PDZD2: variants seen among roughly 807,000 people sequenced by gnomAD.
PDZD2 encodes the protein PDZ domain-containing protein 2.
Under a neutral mutation model 220.7 loss-of-function variants are expected in PDZD2, and 90 were observed. The observed-to-expected ratio is 0.41, with a 90% CI of 0.34 to 0.49. PDZD2 has a LOEUF of 0.49. Among genes scored for constraint, PDZD2 ranks in the 20% least tolerant of loss-of-function variants. PDZD2 has a pLI of 0.28. For missense variants in PDZD2, 3,174 were observed against 3,608.5 expected (o/e 0.88, Z 3.08); for synonymous variants, 1,375 against 1,450.5 (o/e 0.95, Z 1.18).
rs147353592 is a variant in PDZD2, at chr5:32,090,151, C to A, written c.6703C>A (p.Arg2235=). Residue 2235 remains arginine (R), a synonymous_variant, in exon 20 of 25, where the codon CGG becomes AGG. Transcript: ENST00000438447. This position sits in a 1 kb window ranked among gnomAD's most constrained non-coding sequence, Gnocchi z 4.3. ...MPAQFSSHFG[R]EGHPPHSLGR... ...AGCCCAGTTCTCAAGCCATTTTGGA[C>A]GGGAGGGTCACCCCCCACACAGCCT... 1 of 1,613,914 alleles carries A rather than the reference C, an allele frequency of 6.2e-7. No homozygotes were observed. The highest frequency in any genetic ancestry group is 1.3e-5 in the African/African-American group (1 of 75,048).
At chr5:31,915,127 CTG>C (rs1194525477) in intron 2 of PDZD2, among the ~76,000 whole-genome samples, 1 of 152,170 alleles carries the variant, frequency 6.6e-6, no homozygotes, top group East Asian at 1.9e-4. Context: ...GTTTCCAGAA[CTG>C]TGCAATGCTG....
intron 2 of PDZD2, among the ~76,000 whole-genome samples, chr5:31,938,303 G>T (rs146402191): frequency 8.4e-4 from 128 of 152,324 alleles, no homozygotes; most frequent in African/African-American, 3.0e-3. Flanking sequence ...CAATTTGAAT[G>T]GGCTCTTGTT....
At chr5:31,860,079 G>T (rs957542210) in intron 2 of PDZD2, among the ~76,000 whole-genome samples, 2 of 152,158 alleles carry the variant, frequency 1.3e-5, no homozygotes, top group African/African-American at 4.8e-5. Context: ...ACACTGAGGG[G>T]AGTTGGTTGG....
chr5:31,867,524 A>G (rs551520917), intron 2 of PDZD2, among the ~76,000 whole-genome samples: 76 of 152,270 alleles, frequency 5.0e-4, no homozygotes, highest in African/African-American at 1.7e-3. Context: ...TTGCTGCTAC[A>G]CGGAGATCGG....
rs144674575 is a variant in PDZD2 at position 31,703,522 on chromosome 5, C to T, written c.-361+64085C>T. Among the ~76,000 whole-genome samples, 668 of 152,218 alleles carry T rather than the reference C, an allele frequency of 4.4e-3. 5 individuals carry two copies. The highest frequency in any genetic ancestry group is 0.015 in the African/African-American group (615 of 41,524). On this transcript the variant is annotated intron_variant, in intron 1 of 24. Coordinates refer to ENST00000438447, the MANE Select transcript of PDZD2 (RefSeq NM_178140.4). ...GGAGAGCATTAGGACAAATACCTAACGCATGCGGGGCTTAAACCTAGATGA... is the reference window on the plus strand; with the variant it reads ...GGAGAGCATTAGGACAAATACCTAATGCATGCGGGGCTTAAACCTAGATGA...
chr5:32,084,446 A>G (rs1415927651), intron 19 of PDZD2, among the ~76,000 whole-genome samples: 1 of 152,204 alleles, frequency 6.6e-6, no homozygotes, highest in Non-Finnish European at 1.5e-5. Context: ...AGGAAAATTA[A>G]ATGTGTACAA....
intron 1 of PDZD2, among the ~76,000 whole-genome samples, chr5:31,756,463 G>A (rs1360576002): frequency 1.3e-5 from 2 of 152,168 alleles, no homozygotes; most frequent in Non-Finnish European, 2.9e-5. Context: ...AGACCTCCTA[G>A]CAGCACTCAT....
intron 2 of PDZD2, among the ~76,000 whole-genome samples, chr5:31,966,445 T>G (rs1282720292): frequency 6.6e-6 from 1 of 152,248 alleles, no homozygotes; most frequent in African/African-American, 2.4e-5. Flanking sequence ...CTTACCATTA[T>G]TTTTAAATTA....
At chr5:32,091,525 C>A (rs575928616) in intron 20 of PDZD2, among the ~76,000 whole-genome samples, 126 of 152,126 alleles carry the variant, frequency 8.3e-4, no homozygotes, top group African/African-American at 2.8e-3. Context: ...CCTTGTGATC[C>A]GCCTGCCTCG....
chr5:31,869,500 G>C lies in PDZD2; in HGVS notation c.476+69776G>C, dbSNP rs183309169. The stretch of plus-strand genomic sequence containing the variant: ...ATGGCCGTGAACCTGGGAGGCGGAG[G>C]TTGCAGTGAGCCAAGATCACGCCAC... On this transcript the variant is annotated intron_variant, in intron 2 of 24. Transcript: ENST00000438447. Among the ~76,000 whole-genome samples the C allele has an allele frequency of 6.8e-3, 1,038 of 152,136 alleles. 34 individuals are homozygous for C. The highest frequency in any genetic ancestry group is 0.042 in the East Asian group (218 of 5,172).
intron 1 of PDZD2, among the ~76,000 whole-genome samples, chr5:31,672,514 G>C (rs977508816): frequency 6.6e-6 from 1 of 152,132 alleles, no homozygotes; most frequent in Non-Finnish European, 1.5e-5. Context: ...TCCAGCCCAG[G>C]GCCTCCTGCC....
chr5:32,012,798 A>T (rs1753430526), intron 6 of PDZD2, among the ~76,000 whole-genome samples: 1 of 151,962 alleles, frequency 6.6e-6, no homozygotes, highest in African/African-American at 2.4e-5. Context: ...ATAACCTATT[A>T]CATATATTAA....
chr5:31,641,545 A>ATTTTTT (rs546221558), intron 1 of PDZD2, among the ~76,000 whole-genome samples: 1 of 142,638 alleles, frequency 7.0e-6, no homozygotes, highest in African/African-American at 2.9e-5. Flanking sequence ...GATGTGTGAG[A>ATTTTTT]TATTTTTTTT....
rs575663357 is a variant in PDZD2, at chr5:31,728,582, C to T, written c.-360-70307C>T. Among the ~76,000 whole-genome samples, 566 of 152,264 alleles carry T rather than the reference C, an allele frequency of 3.7e-3. 5 individuals carry two copies. The highest frequency in any genetic ancestry group is 6.1e-3 in the Non-Finnish European group (417 of 68,032). ...AGTGACCACATTCGATCTGATGCTTCGTTATAGCTTTGATCTAGCCTAGGA... is the reference window on the plus strand; with the variant it reads ...AGTGACCACATTCGATCTGATGCTTTGTTATAGCTTTGATCTAGCCTAGGA... On this transcript the variant is annotated intron_variant, in intron 1 of 24. Coordinates refer to ENST00000438447, the MANE Select transcript of PDZD2 (RefSeq NM_178140.4).
At chr5:31,711,687 T>G (rs531578655) in intron 1 of PDZD2, among the ~76,000 whole-genome samples, 1 of 152,246 alleles carries the variant, frequency 6.6e-6, no homozygotes, top group South Asian at 2.1e-4. Flanking sequence ...ATCTATAAAA[T>G]GAGCCAGATG....
At chr5:32,097,420 C>CT (rs1197270014) in intron 22 of PDZD2, 40 bp downstream of exon 22, 7 of 1,186,352 alleles carry the variant, frequency 5.9e-6, no homozygotes, top group Non-Finnish European at 8.9e-6. Context: ...AAAATCCCCC[C>CT]TCAAGCAGCC....
chr5:31,929,912 T>A (rs1267110463), intron 2 of PDZD2, among the ~76,000 whole-genome samples: 2 of 151,982 alleles, frequency 1.3e-5, no homozygotes, highest in Non-Finnish European at 2.9e-5. Context: ...TGGGGGAGGA[T>A]CCCCCGTGAA....
At chr5:31,683,279 G>T (rs1183808220) in intron 1 of PDZD2, among the ~76,000 whole-genome samples, 2 of 151,294 alleles carry the variant, frequency 1.3e-5, no homozygotes, top group African/African-American at 2.4e-5. Flanking sequence ...TTGTCCTGTA[G>T]ATTTAAAGTG....
intron 1 of PDZD2, among the ~76,000 whole-genome samples, chr5:31,687,073 C>T (rs1746904972): frequency 6.9e-6 from 1 of 145,744 alleles, no homozygotes; most frequent in Non-Finnish European, 1.5e-5. Context: ...TAAAAAGAGG[C>T]AAAATGATAC....
Sources: allele counts gnomAD v4.1 joint callset (sites outside exome capture counted in the v4.1 genomes callset), GRCh38; gene constraint gnomAD v4.1.1; non-coding constraint Gnocchi (gnomAD v3.1); transcripts MANE v1.5; gene names NCBI Gene and HGNC (gene_info 2026-07-23, HGNC 2026-07-21).